Variants in PLEKHG4B observed in about 807,000 individuals in gnomAD.
PLEKHG4B encodes pleckstrin homology domain-containing family G member 4B.
In PLEKHG4B, 111 loss-of-function variants were observed where a neutral mutation model predicts 121.3. The ratio of observed to expected loss-of-function variants is 0.92; its 90% CI spans 0.78 to 1.07. The LOEUF is 1.07. PLEKHG4B is among the 50% of genes least tolerant of loss of function. The pLI is 0.00. For synonymous variants in PLEKHG4B, 738 were observed against 725.0 expected (o/e 1.02, Z -0.29); for missense variants, 1,831 against 1,757.8 (o/e 1.04, Z -0.74).
At chr5:164,783 A>G in intron 13 of PLEKHG4B, among the ~76,000 whole-genome samples, 1 of 120,116 alleles carries the variant, frequency 8.3e-6, no homozygotes, top group African/African-American at 3.3e-5. Context: ...AGCTCACACT[A>G]ATGCTCTGAC....
At chr5:178,924 C>T (rs1233028599) in intron 18 of PLEKHG4B, among the ~76,000 whole-genome samples, 1 of 152,204 alleles carries the variant, frequency 6.6e-6, no homozygotes, top group Non-Finnish European at 1.5e-5. Context: ...ATCCATAGTA[C>T]AATGAAAATG....
intron 6 of PLEKHG4B, among the ~76,000 whole-genome samples, chr5:148,396 C>T (rs144575713): frequency 6.6e-6 from 1 of 150,592 alleles, no homozygotes; most frequent in African/African-American, 2.4e-5. Flanking sequence ...TAGCAGGATG[C>T]AAAGTCAACA....
At chr5:147,920 C>T (rs1304422619) in intron 6 of PLEKHG4B, among the ~76,000 whole-genome samples, 1 of 151,904 alleles carries the variant, frequency 6.6e-6, no homozygotes, top group Non-Finnish European at 1.5e-5. Context: ...TCCTGGAATG[C>T]AAGGATGGTT....
At chr5:100,089 A>G (rs1733757649) in intron 1 of PLEKHG4B, among the ~76,000 whole-genome samples, 1 of 152,178 alleles carries the variant, frequency 6.6e-6, no homozygotes, top group South Asian at 2.1e-4. Context: ...GTCACAGTGA[A>G]TAATCCTTTT....
At chr5:105,088 G>A (rs1355052391) in intron 1 of PLEKHG4B, among the ~76,000 whole-genome samples, 5 of 150,890 alleles carry the variant, frequency 3.3e-5, no homozygotes, top group East Asian at 3.9e-4. Context: ...TGGTGTTCCC[G>A]TCCTGAAGGT....
chr5:150,469 G>A (rs1735571264), intron 6 of PLEKHG4B, among the ~76,000 whole-genome samples: 1 of 152,130 alleles, frequency 6.6e-6, no homozygotes, highest in Non-Finnish European at 1.5e-5. Flanking sequence ...ACCTAAGACT[G>A]CTGAACAGTA....
At chr5:111,438 C>T (rs760565825) in intron 1 of PLEKHG4B, among the ~76,000 whole-genome samples, 40 of 152,210 alleles carry the variant, frequency 2.6e-4, no homozygotes, top group Non-Finnish European at 4.3e-4. Flanking sequence ...GGCTTGACAG[C>T]GCAGTGCACC....
chr5:102,201 T>C (rs1733841184), intron 1 of PLEKHG4B, among the ~76,000 whole-genome samples: 1 of 151,904 alleles, frequency 6.6e-6, no homozygotes, highest in Admixed American at 6.5e-5. Context: ...GAAGAAGTAG[T>C]AGGGAAAGAC....
rs115163479 is a variant in PLEKHG4B at position 182,312 on chromosome 5, C to G, written c.4873C>G (p.Arg1625Gly). ...TCCTGCTGTGCTGCTGAGCCGCACACGCCAGGCCTGATGACTGTCAGGGTG... is the reference window on the plus strand; with the variant it reads ...TCCTGCTGTGCTGCTGAGCCGCACAGGCCAGGCCTGATGACTGTCAGGGTG... ...GAPAVLLSRT[R>G]QA Residue 1625 changes from arginine (R) to glycine (G), a missense_variant, in exon 20 of 20, where the codon CGC (arginine) becomes GGC (glycine). Physicochemically the swap from Arg to Gly is moderately radical, Grantham distance 125 (BLOSUM62 -2). Transcript: ENST00000637938. The G allele has an allele frequency of 3.1e-6, 5 of 1,603,290 alleles. No individual in the cohort carries two copies. In the Admixed American group the frequency reaches 8.5e-5, roughly 27 times the overall value.
chr5:111,649 C>G (rs1734161453), intron 1 of PLEKHG4B, among the ~76,000 whole-genome samples: 1 of 152,102 alleles, frequency 6.6e-6, no homozygotes, highest in South Asian at 2.1e-4. Flanking sequence ...GAATACGTCT[C>G]TCCCGGGGAT....
At chr5:100,165 C>T (rs1332671032) in intron 1 of PLEKHG4B, among the ~76,000 whole-genome samples, 1 of 152,124 alleles carries the variant, frequency 6.6e-6, no homozygotes, top group Non-Finnish European at 1.5e-5. Context: ...TTTGACTCTG[C>T]TCTTAAATCT....
intron 1 of PLEKHG4B, among the ~76,000 whole-genome samples, chr5:96,800 G>T (rs1455763688): frequency 6.6e-6 from 1 of 152,134 alleles, no homozygotes; most frequent in Non-Finnish European, 1.5e-5. Context: ...GGGGTTGTTT[G>T]GGAAAGTTTA....
intron 13 of PLEKHG4B, among the ~76,000 whole-genome samples, chr5:164,500 CAGGGGGCGGAGCTCACACAG>C (rs1736178422): frequency 1.1e-5 from 1 of 86,960 alleles, no homozygotes; most frequent in Non-Finnish European, 2.3e-5. Flanking sequence ...AATGCTCTGA[CAGGGGGCGGAGCTCACACAG>C]TAATGCTGTG....
chr5:116,710 C>T (rs1190123296), intron 2 of PLEKHG4B, among the ~76,000 whole-genome samples: 2 of 152,338 alleles, frequency 1.3e-5, no homozygotes, highest in African/African-American at 4.8e-5. Context: ...CAACTTAGCA[C>T]TCCACTGAAA....
chr5:140,288 GCTGGTT>G lies in PLEKHG4B; in HGVS notation c.1051_1056del (p.Trp351_Phe352del), dbSNP rs771708501. The stretch of plus-strand genomic sequence containing the variant: ...GACCCCACTTGTGTGCAGCCTAGAC[GCTGGTT>G]CAGGGAGTCGTACATGGAAGCCTTG... On this transcript the variant is annotated inframe_deletion, in exon 3 of 20. Transcript: ENST00000637938. 8.8e-6 allele frequency: 13 copies of G among 1,476,968 alleles called. No homozygotes were observed. The highest frequency in any genetic ancestry group is 2.0e-4 in the Middle Eastern group (1 of 5,022). The allele number at this position is 1,476,968 out of a possible 1,614,324, so 91.5% of individuals were successfully genotyped here.
chr5:181,439 G>T, intron 18 of PLEKHG4B, 75 bp from the exon 19 acceptor site: 1 of 1,485,398 alleles, frequency 6.7e-7, no homozygotes, highest in Non-Finnish European at 9.2e-7. Context: ...GAGGGCATTA[G>T]GGGTACCGGG....
At position 135,682 on chromosome 5, in the gene PLEKHG4B, AAT is replaced by A. The variant is rs70955207; in HGVS notation, c.244-3756_244-3755del. Among the ~76,000 whole-genome samples the A allele has an allele frequency of 6.5e-3, 128 of 19,602 alleles. 1 individual carries two copies. Among genetic ancestry groups the A allele is most frequent in the East Asian group, 0.021 (11 of 514 alleles). 12.9% of individuals were successfully genotyped at this position (19,602 alleles called of 152,430 possible). On this transcript the variant is annotated intron_variant, in intron 2 of 19. Coordinates refer to ENST00000637938, the MANE Select transcript of PLEKHG4B (RefSeq NM_052909.5). ...CTCCATCTCAAAAAAAAAAAAAAAA[AAT>A]ATATATATATATATATATATATATA...
intron 2 of PLEKHG4B, among the ~76,000 whole-genome samples, chr5:138,045 G>A (rs1199680529): frequency 6.6e-6 from 1 of 152,236 alleles, no homozygotes; most frequent in African/African-American, 2.4e-5. Flanking sequence ...TGTCTGTATG[G>A]ACTGTGGGTC....
rs1733431153 is a variant in PLEKHG4B at position 182,241 on chromosome 5, A to G, written c.4802A>G (p.Glu1601Gly). ...GCCTGCGTCGAGGAAGATGAGCCAG[A>G]GCCAGAACTAGAGACGGGCACCCAG... Reference protein sequence around the residue: ...IRACVEEDEPEPELETGTQAA... With the variant: ...IRACVEEDEPGPELETGTQAA... Residue 1601 changes from glutamate (E) to glycine (G), a missense_variant, in exon 20 of 20, where the codon GAG (glutamate) becomes GGG (glycine). Glu to Gly is a moderately conservative substitution (Grantham distance 98, BLOSUM62 -2). Coordinates refer to ENST00000637938, the MANE Select transcript of PLEKHG4B (RefSeq NM_052909.5). The G allele has an allele frequency of 2.5e-6, 4 of 1,613,568 alleles. No homozygotes were observed. The highest frequency in any genetic ancestry group is 1.6e-4 in the Middle Eastern group (1 of 6,084).
Sources: gnomAD v4.1 joint callset for allele counts (sites outside exome capture counted in the v4.1 genomes callset) on GRCh38, gnomAD v4.1.1 for gene constraint, MANE v1.5 for transcripts, NCBI Gene and HGNC (gene_info 2026-07-23, HGNC 2026-07-21) for gene names.